The following FRYL variants were observed in gnomAD, a reference collection of about 807,000 sequenced individuals.
The protein encoded by FRYL is protein furry homolog-like.
A neutral mutation model predicts 351.2 loss-of-function variants in FRYL; 150 were observed. That is an observed-to-expected ratio of 0.43 (90% CI 0.37 to 0.49). FRYL has a LOEUF of 0.49. Among genes scored for constraint, FRYL ranks in the 20% least tolerant of loss-of-function variants. FRYL has a pLI of 0.00. For synonymous variants in FRYL, 1,153 were observed against 1,257.1 expected (o/e 0.92, Z 1.75); for missense variants, 3,036 against 3,619.3 (o/e 0.84, Z 4.13).
At chr4:48,592,115 T>TA (rs1743518374) in intron 16 of FRYL, among the ~76,000 whole-genome samples, 25 of 131,446 alleles carry the variant, frequency 1.9e-4, no homozygotes, top group Non-Finnish European at 2.9e-4. Flanking sequence ...TATATATATA[T>TA]TTTATCTAAG....
At chr4:48,676,134 G>C (rs1045895806) in intron 3 of FRYL, among the ~76,000 whole-genome samples, 1 of 152,148 alleles carries the variant, frequency 6.6e-6, no homozygotes, top group Non-Finnish European at 1.5e-5. Context: ...TGTGGGTGGG[G>C]CCAGATAAGA....
In FRYL at chr4:48,534,617, A is replaced by G. The variant is rs1577986484; in HGVS notation, c.6633T>C (p.His2211=). ...TGGCTGGGGCTGCAGACAGGTCAAT[A>G]TGACTCAATAGACTATAAATAATCT... ...LLQIIYSLLS[H]IDLSAAPAKQ... The change falls in exon 49 of 64, where the codon CAT becomes CAC. Residue 2211 remains histidine, a synonymous_variant. Coordinates refer to ENST00000358350, the MANE Select transcript of FRYL (RefSeq NM_015030.2). 5 of 1,602,636 alleles carry G rather than the reference A, an allele frequency of 3.1e-6. No homozygotes were observed. Among genetic ancestry groups the G allele is most frequent in the Non-Finnish European group, 4.3e-6 (5 of 1,169,862 alleles).
intron 25 of FRYL, among the ~76,000 whole-genome samples, chr4:48,573,671 T>C (rs536304556): frequency 5.5e-4 from 83 of 152,266 alleles, no homozygotes; most frequent in African/African-American, 1.9e-3. Context: ...TGCCTCAGCC[T>C]CCTGAGTAGC....
rs1433356740 is a variant in FRYL, at chr4:48,550,787, A to T, written c.4521-83T>A. The T allele has an allele frequency of 4.7e-6, 5 of 1,055,240 alleles. No individual in the cohort carries two copies. The Admixed American group carries it at 8.6e-5, about 18-fold the overall frequency. 65.4% of individuals were successfully genotyped at this position (1,055,240 alleles called of 1,614,324 possible). A position where few individuals can be genotyped will look rare whatever the true frequency, so the allele number is the denominator to read the frequency against. ...TATGTTTCACTTTCTCTGTTTAAAA[A>T]AGGAGGACGGACGCCATGGTTCAAG... On this transcript the variant is annotated intron_variant, in intron 37 of 63. Transcript: ENST00000358350.
chr4:48,574,169 A>T (rs1253127326), intron 25 of FRYL, among the ~76,000 whole-genome samples: 1 of 152,154 alleles, frequency 6.6e-6, no homozygotes, highest in Non-Finnish European at 1.5e-5. Flanking sequence ...GCTTATTTTA[A>T]GATTGGGAAA....
At chr4:48,570,775 T>G in intron 27 of FRYL, 52 bp downstream of exon 27, 1 of 1,312,020 alleles carries the variant, frequency 7.6e-7, no homozygotes, top group South Asian at 1.2e-5. Flanking sequence ...GAAAAGAGAT[T>G]ACGTTCTCTA....
At chr4:48,742,393 C>A (rs1223061459) in intron 1 of FRYL, among the ~76,000 whole-genome samples, 1 of 152,124 alleles carries the variant, frequency 6.6e-6, no homozygotes, top group Non-Finnish European at 1.5e-5. Context: ...AGTTTTCCTC[C>A]ACTGGCCAGT....
At chr4:48,574,875 T>G (rs544572070) in intron 25 of FRYL, among the ~76,000 whole-genome samples, 4 of 152,270 alleles carry the variant, frequency 2.6e-5, no homozygotes, top group East Asian at 3.9e-4. Flanking sequence ...CTAGAACATA[T>G]AGGTAAGTTT....
chr4:48,559,608 T>C (rs1260050848), intron 33 of FRYL, among the ~76,000 whole-genome samples: 1 of 84,132 alleles, frequency 1.2e-5, no homozygotes, highest in Admixed American at 1.6e-4. Context: ...TGAGGGAAGA[T>C]GATGGCTTTG....
At chr4:48,663,774 C>CAAAAAAAAA (rs71191251) in intron 3 of FRYL, among the ~76,000 whole-genome samples, 8 of 70,084 alleles carry the variant, frequency 1.1e-4, no homozygotes, top group South Asian at 7.7e-4. Context: ...GACTCCGTCT[C>CAAAAAAAAA]AAAAAAAAAA....
chr4:48,594,037 T>A, intron 15 of FRYL, 21 bp from the exon 16 acceptor site: 9 of 1,134,274 alleles, frequency 7.9e-6, no homozygotes, highest in East Asian at 2.8e-5. Context: ...AAAAAATCCT[T>A]ATAACTTGCT....
chr4:48,511,860 T>A (rs1722558323), intron 57 of FRYL, among the ~76,000 whole-genome samples: 1 of 152,128 alleles, frequency 6.6e-6, no homozygotes, highest in African/African-American at 2.4e-5. Context: ...GGTAGATAGT[T>A]CAGAGGACAA....
chr4:48,709,152 C>T (rs1028785236), intron 2 of FRYL, among the ~76,000 whole-genome samples: 3 of 151,844 alleles, frequency 2.0e-5, no homozygotes, highest in African/African-American at 7.3e-5. Context: ...GATCTCCTGA[C>T]CTCGTGATCT....
chr4:48,562,495 C>G (rs887124847), intron 32 of FRYL, among the ~76,000 whole-genome samples: 1 of 152,096 alleles, frequency 6.6e-6, no homozygotes, highest in East Asian at 1.9e-4. Context: ...TTCTCCTCAA[C>G]CTAATAAAGA....
chr4:48,699,264 A>G (rs1303129442), intron 2 of FRYL, among the ~76,000 whole-genome samples: 6 of 152,250 alleles, frequency 3.9e-5, no homozygotes, highest in African/African-American at 1.4e-4. Flanking sequence ...TCTGAACCTC[A>G]GAACAGAAAA....
At chr4:48,655,011 G>T (rs904635890) in intron 3 of FRYL, among the ~76,000 whole-genome samples, 2 of 152,132 alleles carry the variant, frequency 1.3e-5, no homozygotes, top group Non-Finnish European at 2.9e-5. Context: ...GTAACACAAA[G>T]AATAAGGAAA....
At chr4:48,606,743 G>C in intron 9 of FRYL, 137 bp from the exon 10 acceptor site, 1 of 545,852 alleles carries the variant, frequency 1.8e-6, no homozygotes, top group South Asian at 5.4e-5. Context: ...TGCCAGAAAG[G>C]CACACAGAGG....
chr4:48,632,104 A>ATATATATATATATGTATG (rs1753264605), intron 4 of FRYL, among the ~76,000 whole-genome samples: 1 of 49,924 alleles, frequency 2.0e-5, no homozygotes, highest in Non-Finnish European at 4.4e-5. Flanking sequence ...ATATATATAT[A>ATATATATATATATGTATG]TATATATATA....
chr4:48,581,117 C>A (rs1017847153), intron 21 of FRYL, among the ~76,000 whole-genome samples, 166 bp from the exon 22 acceptor site: 8 of 150,960 alleles, frequency 5.3e-5, no homozygotes, highest in Admixed American at 5.3e-4. Context: ...GCCATCTCGG[C>A]TCACTGCAAA....
Sources: gnomAD v4.1 joint callset for allele counts (sites outside exome capture counted in the v4.1 genomes callset) on GRCh38, gnomAD v4.1.1 for gene constraint, MANE v1.5 for transcripts, NCBI Gene and HGNC (gene_info 2026-07-23, HGNC 2026-07-21) for gene names.